Variants in FANK1 observed in about 807,000 individuals in gnomAD.
The protein encoded by FANK1 is fibronectin type 3 and ankyrin repeat domains protein 1.
A neutral mutation model predicts 45.3 loss-of-function variants in FANK1; 44 were observed. That is an observed-to-expected ratio of 0.97 (90% CI 0.76 to 1.25). FANK1 has a LOEUF of 1.25. Among genes scored for constraint, FANK1 ranks in the 50% most tolerant of loss-of-function variants. The pLI is 0.00. For missense variants in FANK1, 391 were observed against 424.4 expected (o/e 0.92, Z 0.69); for synonymous variants, 149 against 152.5 (o/e 0.98, Z 0.17).
intron 6 of FANK1, among the ~76,000 whole-genome samples, chr10:125,998,054 C>T (rs115635130): frequency 0.015 from 2,315 of 152,326 alleles, 63 homozygotes; most frequent in African/African-American, 0.053. Context: ...TCCTGAAAGA[C>T]CTAAAAACAC....
chr10:125,912,177 C>T (rs1242407346), intron 1 of FANK1, among the ~76,000 whole-genome samples: 1 of 152,234 alleles, frequency 6.6e-6, no homozygotes, highest in African/African-American at 2.4e-5. Context: ...CAGATCCTTC[C>T]CACTAAGGTC....
intron 3 of FANK1, chr10:125,989,320 C>A: frequency 6.4e-7 from 1 of 1,550,928 alleles, no homozygotes; most frequent in South Asian, 1.2e-5. Context: ...TTAGGATGGT[C>A]ACAAGTGTTC....
intron 1 of FANK1, among the ~76,000 whole-genome samples, chr10:125,968,303 C>T (rs920990206): frequency 3.3e-5 from 5 of 152,124 alleles, no homozygotes; most frequent in Non-Finnish European, 1.5e-5. Flanking sequence ...AATATCTGAT[C>T]AAGCCATGAT....
intron 1 of FANK1, among the ~76,000 whole-genome samples, chr10:125,919,992 C>A (rs1946829272): frequency 6.6e-6 from 1 of 152,154 alleles, no homozygotes; most frequent in South Asian, 2.1e-4. Flanking sequence ...ACTCATGCTA[C>A]AATCAATATT....
chr10:125,938,823 C>T (rs1267477327), intron 1 of FANK1, among the ~76,000 whole-genome samples: 1 of 152,004 alleles, frequency 6.6e-6, no homozygotes, highest in East Asian at 1.9e-4. Flanking sequence ...CAAACACCCC[C>T]CTGCCAAAAC....
chr10:125,937,660 A>G (rs111986565), intron 1 of FANK1, among the ~76,000 whole-genome samples: 1,975 of 152,328 alleles, frequency 0.013, 39 homozygotes, highest in African/African-American at 0.045. Flanking sequence ...GTGATTTTAT[A>G]TGATATATAA....
chr10:125,947,280 A>C (rs1348767419), intron 1 of FANK1, among the ~76,000 whole-genome samples: 80 of 147,166 alleles, frequency 5.4e-4, no homozygotes, highest in South Asian at 1.5e-3. Context: ...CTTTAAATGT[A>C]AATGGACTAA....
intron 1 of FANK1, among the ~76,000 whole-genome samples, chr10:125,945,482 G>A (rs1948724188): frequency 6.6e-6 from 1 of 152,228 alleles, no homozygotes; most frequent in Non-Finnish European, 1.5e-5. Context: ...GTCAAAGAAA[G>A]GGGTGACAGA....
intron 9 of FANK1, 22 bp downstream of exon 9, chr10:126,009,153 T>C (rs1953464980): frequency 1.9e-6 from 3 of 1,614,200 alleles, no homozygotes; most frequent in South Asian, 1.1e-5. Flanking sequence ...CATCTTTATG[T>C]AAAGATTTTC....
intron 6 of FANK1, among the ~76,000 whole-genome samples, chr10:125,999,408 C>A (rs11244757): frequency 0.58 from 88,003 of 151,410 alleles, 27,010 homozygotes; most frequent in Non-Finnish European, 0.68. Flanking sequence ...ACCGTGTTAG[C>A]CAGGATGGTC....
intron 1 of FANK1, among the ~76,000 whole-genome samples, chr10:125,925,758 C>T (rs1947304248): frequency 6.7e-6 from 1 of 149,766 alleles, no homozygotes; most frequent in African/African-American, 2.6e-5. Context: ...TTAAATATGA[C>T]TTAAAAATAG....
chr10:125,974,913 G>A (rs1412208190), intron 1 of FANK1: 2 of 152,074 alleles, frequency 1.3e-5, no homozygotes, highest in Non-Finnish European at 2.9e-5. Flanking sequence ...AGATAAATAT[G>A]AGTCACAGGA....
chr10:125,994,965 G>A (rs1952214048), intron 3 of FANK1: 2 of 983,478 alleles, frequency 2.0e-6, no homozygotes, highest in Non-Finnish European at 2.4e-6. Flanking sequence ...CAATATGTAA[G>A]TCACATTCCT....
At chr10:125,996,858 A>G (rs866103409) in intron 5 of FANK1, among the ~76,000 whole-genome samples, 2 of 152,102 alleles carry the variant, frequency 1.3e-5, no homozygotes, top group Non-Finnish European at 2.9e-5. Flanking sequence ...TAGCCATTTA[A>G]TTACATGCAA....
chr10:125,988,747 T>A (rs1564950115), intron 3 of FANK1, 72 bp downstream of exon 3: 1 of 1,611,176 alleles, frequency 6.2e-7, no homozygotes, highest in Admixed American at 1.7e-5. Flanking sequence ...AGAAAAAATA[T>A]TCTGCCTCTC....
At chr10:125,971,843 C>G (rs191711212) in intron 1 of FANK1, among the ~76,000 whole-genome samples, 1 of 152,172 alleles carries the variant, frequency 6.6e-6, no homozygotes, top group East Asian at 1.9e-4. Context: ...AGGATGGTCT[C>G]GATCTCGTGA....
In FANK1 at chr10:125,996,529, CTT is replaced by C. The variant is rs756202244; in HGVS notation, c.399-18_399-17del. The C allele has an allele frequency of 6.2e-7, 1 of 1,613,598 alleles. No homozygotes were observed. ...GTAGCTGTACTGAGCATGTTTATCTCTTTTCTCTGCTTTTCCCAAGCCGTGTT... is the reference window on the plus strand; with the variant it reads ...GTAGCTGTACTGAGCATGTTTATCTCTTCTCTGCTTTTCCCAAGCCGTGTT... On this transcript the variant is annotated intron_variant, in intron 4 of 10. Transcript: ENST00000368693.
At chr10:125,935,536 TG>T in intron 1 of FANK1, among the ~76,000 whole-genome samples, 1 of 152,316 alleles carries the variant, frequency 6.6e-6, no homozygotes, top group Non-Finnish European at 1.5e-5. Flanking sequence ...ATCAAGATTT[TG>T]TGATTCTGAA....
At chr10:125,961,119 T>C (rs1211340726) in intron 1 of FANK1, among the ~76,000 whole-genome samples, 2 of 152,188 alleles carry the variant, frequency 1.3e-5, no homozygotes, top group African/African-American at 2.4e-5. Flanking sequence ...AAATTTTTTA[T>C]TTTTTGAGAC....
Sources: allele counts gnomAD v4.1 joint callset (sites outside exome capture counted in the v4.1 genomes callset), GRCh38; gene constraint gnomAD v4.1.1; transcripts MANE v1.5; gene names NCBI Gene and HGNC (gene_info 2026-07-23, HGNC 2026-07-21).